ITGA1: variants seen among roughly 807,000 people sequenced by gnomAD.
ITGA1 encodes the protein integrin alpha-1.
In ITGA1, 85 loss-of-function variants were observed where a neutral mutation model predicts 145.9. That is an observed-to-expected ratio of 0.58 (90% CI 0.49 to 0.70). The LOEUF is 0.70. Among genes scored for constraint, ITGA1 ranks in the 30% least tolerant of loss-of-function variants. ITGA1 has a pLI of 0.00. For synonymous variants in ITGA1, 520 were observed against 495.3 expected (o/e 1.05, Z -0.66); for missense variants, 1,351 against 1,418.7 (o/e 0.95, Z 0.77).
At chr5:52,945,396 C>T (rs1000792050) in intron 27 of ITGA1, among the ~76,000 whole-genome samples, 1 of 151,870 alleles carries the variant, frequency 6.6e-6, no homozygotes, top group Non-Finnish European at 1.5e-5. Flanking sequence ...GAAGAGCAGC[C>T]GCAAAAAACA....
Position 52,944,102 on chromosome 5 carries a change from G to A in ITGA1, c.3286-841G>A, listed in dbSNP as rs10075976. On this transcript the variant is annotated intron_variant, in intron 26 of 28. Coordinates refer to ENST00000282588, the MANE Select transcript of ITGA1 (RefSeq NM_181501.2). ...GCTTTCTCCTGGCTTGTGGTCACCTGGGGCTAGAGCCTCTCTGAAGGAGAT... is the reference window on the plus strand; with the variant it reads ...GCTTTCTCCTGGCTTGTGGTCACCTAGGGCTAGAGCCTCTCTGAAGGAGAT... 7.0e-3 allele frequency among the ~76,000 whole-genome samples: 1,068 copies of A among 152,252 alleles called. 9 individuals are homozygous for A. Among genetic ancestry groups the A allele is most frequent in the African/African-American group, 0.024 (1,016 of 41,546 alleles).
chr5:52,832,783 G>GTA (rs1554042267), intron 1 of ITGA1, among the ~76,000 whole-genome samples: 21 of 144,480 alleles, frequency 1.5e-4, no homozygotes, highest in African/African-American at 4.7e-4. Flanking sequence ...GTGTGTGTGT[G>GTA]TGTGTGTGTG....
At chr5:52,793,443 C>T (rs1456051269) in intron 1 of ITGA1, among the ~76,000 whole-genome samples, 1 of 151,592 alleles carries the variant, frequency 6.6e-6, no homozygotes, top group African/African-American at 2.4e-5. Flanking sequence ...AAAGATGCAC[C>T]ATTATTTTAT....
intron 1 of ITGA1, 71 bp downstream of exon 1, chr5:52,788,485 T>G: frequency 7.9e-7 from 1 of 1,273,694 alleles, no homozygotes; most frequent in Non-Finnish European, 1.0e-6. Context: ...AGGGAGGTCC[T>G]CAGAGCCATG....
At chr5:52,800,187 C>G (rs1748433812) in intron 1 of ITGA1, 2 of 590,302 alleles carry the variant, frequency 3.4e-6, no homozygotes, top group East Asian at 2.9e-5. Flanking sequence ...AGACGCAGCG[C>G]GCCGGGAGAC....
chr5:52,789,858 T>TA (rs1484327085), intron 1 of ITGA1, among the ~76,000 whole-genome samples: 2 of 152,228 alleles, frequency 1.3e-5, no homozygotes, highest in Non-Finnish European at 2.9e-5. Flanking sequence ...GCGTATCCTC[T>TA]AAAAAGACAA....
At chr5:52,937,560 C>A in intron 24 of ITGA1, 46 bp downstream of exon 24, 1 of 1,169,730 alleles carries the variant, frequency 8.5e-7, no homozygotes. Context: ...GTTATCTTTT[C>A]CACTTTATGT....
intron 14 of ITGA1, among the ~76,000 whole-genome samples, chr5:52,911,785 AGTGTATCTACTATATATACTATATATG>A (rs1561246545): frequency 3.6e-4 from 48 of 131,508 alleles, no homozygotes; most frequent in African/African-American, 6.9e-4. Context: ...CTATATATAT[AGTGTATCTACTATATATACTATATATG>A]GTGTATCTAC....
intron 15 of ITGA1, among the ~76,000 whole-genome samples, chr5:52,917,392 C>G (rs1008935518): frequency 7.2e-5 from 11 of 152,172 alleles, no homozygotes; most frequent in African/African-American, 2.7e-4. Flanking sequence ...AAGATACAAT[C>G]TAGAAGTACA....
At chr5:52,930,130 T>C (rs995952495) in intron 21 of ITGA1, among the ~76,000 whole-genome samples, 3 of 152,150 alleles carry the variant, frequency 2.0e-5, no homozygotes, top group South Asian at 2.1e-4. Context: ...TCAGTACTTC[T>C]GAAAGGTATC....
chr5:52,820,077 C>T (rs12658341), intron 1 of ITGA1, among the ~76,000 whole-genome samples: 49,052 of 151,518 alleles, frequency 0.32, 8,659 homozygotes, highest in East Asian at 0.46. Flanking sequence ...AGTCAGGTAG[C>T]ATGATGCCTC....
chr5:52,856,527 A>T (rs146030311), intron 2 of ITGA1, among the ~76,000 whole-genome samples: 198 of 151,988 alleles, frequency 1.3e-3, no homozygotes, highest in African/African-American at 4.5e-3. Flanking sequence ...GCTGCAACCC[A>T]CCTCATCTTG....
At chr5:52,934,975 G>A (rs1750945199) in intron 23 of ITGA1, among the ~76,000 whole-genome samples, 1 of 151,842 alleles carries the variant, frequency 6.6e-6, no homozygotes, top group East Asian at 1.9e-4. Context: ...TGGAATTCAG[G>A]CTATCAGATT....
At chr5:52,933,858 G>T in intron 22 of ITGA1, 36 bp from the exon 23 acceptor site, 1 of 1,061,714 alleles carries the variant, frequency 9.4e-7, no homozygotes. Context: ...GTTAAACTTT[G>T]TTATGTTTTA....
intron 26 of ITGA1, among the ~76,000 whole-genome samples, chr5:52,942,165 T>C (rs1751063259): frequency 6.6e-6 from 1 of 152,202 alleles, no homozygotes; most frequent in Non-Finnish European, 1.5e-5. Context: ...TCATACTGTT[T>C]TGATTACCGT....
Position 52,952,542 on chromosome 5 carries a change from C to A in ITGA1, c.*91C>A. 1 of 546,166 alleles carries A rather than the reference C, an allele frequency of 1.8e-6. No homozygotes were observed. The highest frequency in any genetic ancestry group is 3.2e-6 in the Non-Finnish European group (1 of 314,988). The allele number at this position is 546,166 out of a possible 1,614,324, so 33.8% of individuals were successfully genotyped here. A position where few individuals can be genotyped will look rare whatever the true frequency, so the allele number is the denominator to read the frequency against. On this transcript the variant is annotated 3_prime_UTR_variant, in exon 29 of 29. Coordinates refer to ENST00000282588, the MANE Select transcript of ITGA1 (RefSeq NM_181501.2). ...GTGACAAGAAATGTATAATTCATGA[C>A]ATAGTCATGTAACTATGTAATCCAT...
At chr5:52,921,595 G>A (rs964070051) in intron 17 of ITGA1, among the ~76,000 whole-genome samples, 1 of 152,134 alleles carries the variant, frequency 6.6e-6, no homozygotes, top group Non-Finnish European at 1.5e-5. Flanking sequence ...ATATGGCATT[G>A]TCTCCAACCT....
Position 52,898,304 on chromosome 5 carries a change from T to C in ITGA1, c.1230T>C (p.Ala410=). The part of the protein sequence containing the change: ...DWNGTVVMQK[A]SQIIIPRNTT... ...ATGGAACAGTTGTCATGCAGAAGGC[T>C]AGTCAAATCATAATCCCTCGAAACA... Residue 410 remains alanine (A), a synonymous_variant, in exon 11 of 29, where the codon GCT becomes GCC. Transcript: ENST00000282588. 6.2e-7 allele frequency: 1 copy of C among 1,612,074 alleles called. No homozygotes were observed. Among genetic ancestry groups the C allele is most frequent in the South Asian group, 1.1e-5 (1 of 90,854 alleles).
At chr5:52,834,578 A>AAAGAAAGAGAGAGAGAG (rs1439881303) in intron 1 of ITGA1, among the ~76,000 whole-genome samples, 2 of 149,868 alleles carry the variant, frequency 1.3e-5, no homozygotes, top group African/African-American at 5.0e-5. Context: ...GAGAAGAAAG[A>AAAGAAAGAGAGAGAGAG]AAGAAAGAGA....
Sources: gnomAD v4.1 joint callset for allele counts (sites outside exome capture counted in the v4.1 genomes callset) on GRCh38, gnomAD v4.1.1 for gene constraint, MANE v1.5 for transcripts, NCBI Gene and HGNC (gene_info 2026-07-23, HGNC 2026-07-21) for gene names.